The following ALK variants were observed in gnomAD, a reference collection of about 807,000 sequenced individuals.
ALK encodes the protein ALK receptor tyrosine kinase.
ALK carries 74 observed loss-of-function variants against 163.1 expected under a neutral mutation model. The observed-to-expected ratio is 0.45, with a 90% confidence interval of 0.38 to 0.55. ALK has a LOEUF of 0.55. ALK is among the 20% of genes least tolerant of loss of function. The probability of loss-of-function intolerance (pLI) is 0.00; values close to 1 mark genes in which losing one functional copy is unlikely to be tolerated. For missense variants in ALK, 2,063 were observed against 2,105.3 expected (o/e 0.98, Z 0.39); for synonymous variants, 960 against 843.2 (o/e 1.14, Z -2.40).
At chr2:29,505,335 C>T (rs1046620828) in intron 4 of ALK, among the ~76,000 whole-genome samples, 1 of 152,014 alleles carries the variant, frequency 6.6e-6, no homozygotes, top group African/African-American at 2.4e-5. Context: ...ATCAATGGTG[C>T]CTGAGTGAAT....
chr2:29,604,222 T>G (rs1297098541), intron 3 of ALK, among the ~76,000 whole-genome samples: 2 of 151,584 alleles, frequency 1.3e-5, no homozygotes, highest in Admixed American at 1.3e-4. Context: ...AAGAGAATAT[T>G]TTATGACGTG....
chr2:29,621,883 C>T lies in ALK; in HGVS notation c.952+72967G>A, dbSNP rs568773206. ...TGTTGAGAGGTTATTTAGAGAGGGA[C>T]TGGGAAGGGCAGGGCAGGTCTCCAA... On this transcript the variant is annotated intron_variant, in intron 3 of 28. Transcript: ENST00000389048. Among the ~76,000 whole-genome samples the T allele has an allele frequency of 5.3e-5, 8 of 152,046 alleles. No homozygotes were observed. In the South Asian group the frequency reaches 1.5e-3, roughly 28 times the overall value.
intron 3 of ALK, among the ~76,000 whole-genome samples, chr2:29,588,270 C>T (rs368184353): frequency 5.3e-5 from 8 of 152,144 alleles, no homozygotes; most frequent in South Asian, 2.1e-4. Context: ...CTCACTCTGT[C>T]GCCCAGGCTG....
rs957993517 is a variant in ALK, at chr2:29,257,417, C to T, written c.2042-6150G>A. ...TAAGCACTGGGTTTCATTTTAAGCA[C>T]ATTGTAGCACCCTCCAAGAAGAAAC... On this transcript the variant is annotated intron_variant, in intron 11 of 28. Transcript: ENST00000389048. 8.6e-5 allele frequency among the ~76,000 whole-genome samples: 13 copies of T among 151,980 alleles called. 1 individual carries two copies. The highest frequency in any genetic ancestry group is 4.4e-5 in the Non-Finnish European group (3 of 68,006).
At chr2:29,331,671 C>A (rs1266945316) in intron 5 of ALK, among the ~76,000 whole-genome samples, 2 of 152,080 alleles carry the variant, frequency 1.3e-5, no homozygotes, top group African/African-American at 4.8e-5. Context: ...GAGAAGATGC[C>A]CCCTTGCCTG....
chr2:29,477,295 G>T (rs1350907120), intron 4 of ALK, among the ~76,000 whole-genome samples: 2 of 152,168 alleles, frequency 1.3e-5, no homozygotes, highest in Non-Finnish European at 2.9e-5. Flanking sequence ...AAGGGGCTTT[G>T]CTATATACCA....
chr2:29,529,790 ACT>A (rs1249305339), intron 4 of ALK, among the ~76,000 whole-genome samples: 1 of 151,894 alleles, frequency 6.6e-6, no homozygotes, highest in African/African-American at 2.4e-5. Context: ...TCATCACTAA[ACT>A]CTGCCCCAGA....
chr2:29,548,659 G>C (rs575662686), intron 3 of ALK, among the ~76,000 whole-genome samples: 1 of 152,182 alleles, frequency 6.6e-6, no homozygotes, highest in East Asian at 1.9e-4. Context: ...CAGGGATCCC[G>C]CCTGTCTTGG....
intron 5 of ALK, among the ~76,000 whole-genome samples, chr2:29,365,138 T>C (rs1037352554): frequency 6.6e-6 from 1 of 152,186 alleles, no homozygotes; most frequent in Non-Finnish European, 1.5e-5. Context: ...CCATCTAGAT[T>C]AGCAGGAACA....
At chr2:29,804,746 A>G (rs1392156203) in intron 1 of ALK, among the ~76,000 whole-genome samples, 10 of 152,172 alleles carry the variant, frequency 6.6e-5, no homozygotes, top group Admixed American at 6.5e-4. Context: ...GTTGGGGGCT[A>G]AAGAAACTCC....
intron 1 of ALK, among the ~76,000 whole-genome samples, chr2:29,738,151 C>T (rs1223621707): frequency 6.6e-6 from 1 of 151,884 alleles, no homozygotes; most frequent in East Asian, 1.9e-4. Flanking sequence ...AATTATTCAT[C>T]AAATACTACC....
intron 4 of ALK, among the ~76,000 whole-genome samples, chr2:29,495,458 C>T (rs755156866): frequency 5.9e-5 from 9 of 152,202 alleles, no homozygotes; most frequent in Non-Finnish European, 1.2e-4. Context: ...CTAGCAATCA[C>T]GCCTTCCCCA....
chr2:29,391,752 C>T (rs1043389132), intron 4 of ALK, among the ~76,000 whole-genome samples: 7 of 152,090 alleles, frequency 4.6e-5, no homozygotes, highest in Admixed American at 3.3e-4. Flanking sequence ...AATAATTAAG[C>T]AGCCAGACTT....
chr2:29,217,882 CAT>C (rs5830105), intron 23 of ALK, among the ~76,000 whole-genome samples: 80,515 of 151,806 alleles, frequency 0.53, 22,035 homozygotes, highest in East Asian at 0.89. Flanking sequence ...CTTCATGGCA[CAT>C]GTTTCTCCAT....
In ALK at chr2:29,320,869, C is replaced by A; in HGVS notation, c.1428G>T (p.Val476=). The A allele has an allele frequency of 6.2e-7, 1 of 1,614,206 alleles. No homozygotes were observed. Among genetic ancestry groups the A allele is most frequent in the Non-Finnish European group, 8.5e-7 (1 of 1,180,042 alleles). ...CATCTTCAAAGTTGCAGTAAAAACC[C>A]ACAGGCAGTTTCCCTATGGAGAGAG... ...DESQMCRKLP[V]GFYCNFEDGF... The change falls in exon 7 of 29, where the codon GTG becomes GTT. Residue 476 remains valine, a synonymous_variant. Transcript: ENST00000389048.
At chr2:29,291,151 C>G (rs1007255991) in intron 9 of ALK, among the ~76,000 whole-genome samples, 13 of 152,016 alleles carry the variant, frequency 8.6e-5, no homozygotes, top group African/African-American at 3.1e-4. Context: ...TCACTTGAGG[C>G]CAGGAGTTCA....
intron 1 of ALK, among the ~76,000 whole-genome samples, chr2:29,865,020 G>A (rs1242590948): frequency 1.3e-5 from 2 of 152,210 alleles, no homozygotes; most frequent in East Asian, 3.8e-4. Context: ...CTGGCCTGAT[G>A]CTACTGAGTT....
chr2:29,373,480 G>T (rs1668683186), intron 5 of ALK, among the ~76,000 whole-genome samples: 1 of 151,920 alleles, frequency 6.6e-6, no homozygotes, highest in South Asian at 2.1e-4. Context: ...TTTTCTTCTG[G>T]GAGTACAATG....
In ALK at chr2:29,246,390, G is replaced by C. The variant is rs1664670531; in HGVS notation, c.2204+4715C>G. On this transcript the variant is annotated intron_variant, in intron 12 of 28. Coordinates refer to ENST00000389048, the MANE Select transcript of ALK (RefSeq NM_004304.5). This position sits in a 1 kb window ranked among gnomAD's most constrained non-coding sequence, Gnocchi z 4.3. Reference sequence around the variant, plus strand: ...CTGTCTCCATTTTATGACAACACGAGGATGCTGTCCCCCTCCCCAGCACAA... The same window carrying C: ...CTGTCTCCATTTTATGACAACACGACGATGCTGTCCCCCTCCCCAGCACAA... 6.6e-6 allele frequency among the ~76,000 whole-genome samples: 1 copy of C among 152,084 alleles called. No individual in the cohort carries two copies. Among genetic ancestry groups the C allele is most frequent in the South Asian group, 2.1e-4 (1 of 4,828 alleles).
Sources: gnomAD v4.1 joint callset for allele counts (sites outside exome capture counted in the v4.1 genomes callset) on GRCh38, gnomAD v4.1.1 for gene constraint, Gnocchi (gnomAD v3.1) non-coding constraint, MANE v1.5 for transcripts, NCBI Gene and HGNC (gene_info 2026-07-23, HGNC 2026-07-21) for gene names.